CNN3: variants seen among roughly 807,000 people sequenced by gnomAD.
The protein encoded by CNN3 is calponin 3.
Under a neutral mutation model 39.0 loss-of-function variants are expected in CNN3, and 11 were observed. The ratio of observed to expected loss-of-function variants is 0.28; its 90% CI spans 0.18 to 0.47. The LOEUF is 0.47. Among genes scored for constraint, CNN3 ranks in the 20% least tolerant of loss-of-function variants. The pLI, the probability that CNN3 is intolerant of heterozygous loss-of-function variation, is 0.99. For missense variants in CNN3, 266 were observed against 403.4 expected (o/e 0.66, Z 2.92); for synonymous variants, 101 against 138.3 (o/e 0.73, Z 1.89).
At chr1:94,903,324 G>C in intron 2 of CNN3, 79 bp downstream of exon 2, 1 of 1,544,280 alleles carries the variant, frequency 6.5e-7, no homozygotes, top group South Asian at 1.3e-5. Flanking sequence ...TGACACCCTG[G>C]GCTGAGAAGG....
rs1340208018 is a variant in CNN3 at position 94,897,954 on chromosome 1, C to T, written c.778G>A (p.Val260Met). The T allele has an allele frequency of 6.2e-7, 1 of 1,614,124 alleles. No individual in the cohort carries two copies. The highest frequency in any genetic ancestry group is 8.5e-7 in the Non-Finnish European group (1 of 1,180,000). The change falls in exon 7 of 7, where the codon GTG (valine) becomes ATG (methionine). Residue 260 changes from valine (V) to methionine (M), a missense_variant. Transcript: ENST00000370206. Reference protein sequence around the residue: ...NKVASQKGMSVYGLGRQVYDP... With the variant: ...NKVASQKGMSMYGLGRQVYDP... ...TATACTTGCCGCCCAAGCCCATACACACTCATTCCTTTCTGGGAAGCAACT... is the reference window on the plus strand; with the variant it reads ...TATACTTGCCGCCCAAGCCCATACATACTCATTCCTTTCTGGGAAGCAACT...
intron 1 of CNN3, among the ~76,000 whole-genome samples, chr1:94,924,869 A>G (rs1030199427): frequency 3.3e-5 from 5 of 152,212 alleles, no homozygotes; most frequent in Admixed American, 1.3e-4. Flanking sequence ...AAGACTTCCT[A>G]TGAAAGAATA....
intron 1 of CNN3, among the ~76,000 whole-genome samples, chr1:94,915,890 T>G (rs1416492163): frequency 6.6e-6 from 1 of 152,166 alleles, no homozygotes; most frequent in African/African-American, 2.4e-5. Context: ...CTTCTCCACA[T>G]CAGTGCTGCG....
intron 1 of CNN3, among the ~76,000 whole-genome samples, chr1:94,906,535 CATA>C (rs1037468857): frequency 3.3e-5 from 5 of 152,074 alleles, no homozygotes; most frequent in Admixed American, 3.3e-4. Context: ...TGAAGAAAAA[CATA>C]ATATGCTAGG....
At chr1:94,910,543 A>G (rs1671133105) in intron 1 of CNN3, among the ~76,000 whole-genome samples, 1 of 152,166 alleles carries the variant, frequency 6.6e-6, no homozygotes, top group African/African-American at 2.4e-5. Context: ...AGGACAATGA[A>G]CAGGTTTCAA....
intron 1 of CNN3, among the ~76,000 whole-genome samples, chr1:94,921,415 G>A (rs936946958): frequency 1.2e-4 from 19 of 152,058 alleles, no homozygotes; most frequent in Admixed American, 2.6e-4. Context: ...AAAAGAGAGA[G>A]AAGAAAATGC....
rs147206129 is a variant in CNN3, at chr1:94,898,515, A to C, written c.649-432T>G. 1.5e-3 allele frequency among the ~76,000 whole-genome samples: 223 copies of C among 152,222 alleles called. 2 individuals carry two copies. Among genetic ancestry groups the C allele is most frequent in the African/African-American group, 5.1e-3 (211 of 41,560 alleles). ...ATTATCTGGGTTACCAATTTCAAAA[A>C]TTTATAATATATTCAACAGAAACTA... On this transcript the variant is annotated intron_variant, in intron 6 of 6. Transcript: ENST00000370206.
intron 1 of CNN3, among the ~76,000 whole-genome samples, chr1:94,907,976 C>T (rs980317434): frequency 6.6e-6 from 1 of 152,232 alleles, no homozygotes; most frequent in African/African-American, 2.4e-5. Context: ...CTTTCGCAGA[C>T]TTTCTGCCTG....
intron 1 of CNN3, chr1:94,924,531 G>A (rs1671529899): frequency 6.6e-6 from 1 of 152,576 alleles, no homozygotes; most frequent in Non-Finnish European, 1.5e-5. Context: ...GCTGAGGCAG[G>A]AGAATCACTT....
At chr1:94,917,318 G>A (rs1478089177) in intron 1 of CNN3, among the ~76,000 whole-genome samples, 2 of 152,154 alleles carry the variant, frequency 1.3e-5, no homozygotes, top group African/African-American at 2.4e-5. Context: ...GATTACAGGC[G>A]TGAGCCACTG....
intron 1 of CNN3, chr1:94,925,616 A>G (rs1671554420): frequency 4.0e-5 from 39 of 985,316 alleles, no homozygotes; most frequent in South Asian, 4.7e-5. Flanking sequence ...GGGTTTGACA[A>G]CGGTGCGCTT....
intron 1 of CNN3, among the ~76,000 whole-genome samples, chr1:94,913,010 T>A (rs1012783912): frequency 6.6e-6 from 1 of 152,192 alleles, no homozygotes; most frequent in Non-Finnish European, 1.5e-5. Context: ...TGTGTTCTCT[T>A]CTGTTTTGGT....
chr1:94,918,721 C>G (rs560003786), intron 1 of CNN3, among the ~76,000 whole-genome samples: 42 of 151,792 alleles, frequency 2.8e-4, no homozygotes, highest in African/African-American at 9.7e-4. Context: ...TGGTAAAACC[C>G]CATCTCTACA....
At chr1:94,904,776 C>G (rs1327140636) in intron 1 of CNN3, among the ~76,000 whole-genome samples, 1 of 151,782 alleles carries the variant, frequency 6.6e-6, no homozygotes, top group Non-Finnish European at 1.5e-5. Flanking sequence ...AAACCCACAG[C>G]TGGGAAGAAG....
chr1:94,926,956 C>T lies in CNN3; in HGVS notation c.-62G>A, dbSNP rs1463680841. 35 of 1,558,690 alleles carry T rather than the reference C, an allele frequency of 2.2e-5. No homozygotes were observed. The highest frequency in any genetic ancestry group is 1.7e-4 in the Middle Eastern group (1 of 5,912). ...CCGGGGTCTCTCGCACTTCGCTTCC[C>T]CGCTCCTGGCCCCGAGGAGTGGCCG... On this transcript the variant is annotated 5_prime_UTR_variant, in exon 1 of 7. Coordinates refer to ENST00000370206, the MANE Select transcript of CNN3 (RefSeq NM_001839.5). This position sits in a 1 kb window ranked among gnomAD's most constrained non-coding sequence, Gnocchi z 4.2.
At position 94,897,974 on chromosome 1, in the gene CNN3, G is replaced by A; in HGVS notation, c.758C>T (p.Ala253Val). Residue 253 changes from alanine to valine, a missense_variant, in exon 7 of 7, where the codon GCT (alanine) becomes GTT (valine). Transcript: ENST00000370206. ...ISLQMGTNKV[A>V]SQKGMSVYGL... ...ATACACACTCATTCCTTTCTGGGAA[G>A]CAACTTTGTTGGTACCCATCTGTAG... The A allele has an allele frequency of 6.2e-7, 1 of 1,614,106 alleles. No homozygotes were observed. Among genetic ancestry groups the A allele is most frequent in the Non-Finnish European group, 8.5e-7 (1 of 1,179,990 alleles).
rs1671578919 is a variant in CNN3 at position 94,926,340 on chromosome 1, T to C, written c.57+498A>G. ...CTTCCGTTCCTCGGGGCCCCTGGGG[T>C]CGGCGGGACATTAGGCGGTCTCTCT... On this transcript the variant is annotated intron_variant, in intron 1 of 6. Coordinates refer to ENST00000370206, the MANE Select transcript of CNN3 (RefSeq NM_001839.5). This position sits in a 1 kb window ranked among gnomAD's most constrained non-coding sequence, Gnocchi z 4.2. Among the ~76,000 whole-genome samples, 1 of 149,120 alleles carries C rather than the reference T, an allele frequency of 6.7e-6. No individual in the cohort carries two copies. Among genetic ancestry groups the C allele is most frequent in the Non-Finnish European group, 1.5e-5 (1 of 67,352 alleles).
intron 3 of CNN3, 80 bp from the exon 4 acceptor site, chr1:94,902,338 A>C (rs859057): frequency 0.83 from 1,072,942 of 1,294,686 alleles, 448,102 homozygotes; most frequent in Non-Finnish European, 0.86. Context: ...GTCTTCATAA[A>C]CAGTTATAAG....
chr1:94,902,210 T>C lies in CNN3; in HGVS notation c.295A>G (p.Lys99Glu), dbSNP rs1670887703. The C allele has an allele frequency of 6.2e-7, 1 of 1,613,406 alleles. No homozygotes were observed. Among genetic ancestry groups the C allele is most frequent in the Non-Finnish European group, 8.5e-7 (1 of 1,179,308 alleles). ...TTTGCTTCGAATATGTCATGTGGCT[T>C]CATACCATAAGCCTGAATAGCTTTA... Reference protein sequence around the residue: ...FIKAIQAYGMKPHDIFEANDL... With the variant: ...FIKAIQAYGMEPHDIFEANDL... Residue 99 changes from lysine (K) to glutamate (E), a missense_variant, in exon 4 of 7, where the codon AAG becomes GAG. Coordinates refer to ENST00000370206, the MANE Select transcript of CNN3 (RefSeq NM_001839.5).
Sources: allele counts gnomAD v4.1 joint callset (sites outside exome capture counted in the v4.1 genomes callset), GRCh38; gene constraint gnomAD v4.1.1; non-coding constraint Gnocchi (gnomAD v3.1); transcripts MANE v1.5; gene names NCBI Gene and HGNC (gene_info 2026-07-23, HGNC 2026-07-21).